The following CHD1L variants were observed in gnomAD, a reference collection of about 807,000 sequenced individuals.
The protein encoded by CHD1L is chromodomain helicase DNA binding protein 1 like, also known as ATP-dependent chromatin remodeler CHD1L.
A neutral mutation model predicts 115.9 loss-of-function variants in CHD1L; 118 were observed. That is an observed-to-expected ratio of 1.02 (90% CI 0.88 to 1.19). The LOEUF is 1.19. CHD1L is among the 50% of genes most tolerant of loss of function. The pLI is 0.00. For missense variants in CHD1L, 1,179 were observed against 1,065.3 expected (o/e 1.11, Z -1.49); for synonymous variants, 411 against 387.1 (o/e 1.06, Z -0.72).
chr1:147,292,135 G>A (rs1195425071), intron 20 of CHD1L, among the ~76,000 whole-genome samples: 1 of 152,104 alleles, frequency 6.6e-6, no homozygotes, highest in Non-Finnish European at 1.5e-5. Context: ...ATTTCTATTT[G>A]TCTTTTTATC....
intron 20 of CHD1L, 143 bp from the exon 21 acceptor site, chr1:147,293,465 A>G (rs1553972600): frequency 4.5e-6 from 3 of 671,286 alleles, no homozygotes; most frequent in East Asian, 2.5e-5. Flanking sequence ...ATAGTAGGAC[A>G]TTGCTGTTCA....
chr1:147,213,307 C>T, the CHD1L span: 78 of 1,602,366 alleles, frequency 4.9e-5, no homozygotes, highest in South Asian at 7.7e-4. Context: ...AAGCTGCTCA[C>T]CAGGGAAGCT....
chr1:147,229,276 T>C, the CHD1L span, among the ~76,000 whole-genome samples: 8 of 152,132 alleles, frequency 5.3e-5, no homozygotes, highest in Non-Finnish European at 1.0e-4. Context: ...ATCCTTTCCC[T>C]ATTTCTTGTT....
At chr1:147,209,231 A>G in the CHD1L span, among the ~76,000 whole-genome samples, 1 of 152,070 alleles carries the variant, frequency 6.6e-6, no homozygotes, top group African/African-American at 2.4e-5. Context: ...CATCCTGGCT[A>G]ACACAGTGAA....
chr1:147,202,969 C>T, the CHD1L span, among the ~76,000 whole-genome samples: 1 of 152,064 alleles, frequency 6.6e-6, no homozygotes, highest in African/African-American at 2.4e-5. Context: ...GTCTTTAGGA[C>T]CTCCTGTCTC....
chr1:147,293,885 G>A (rs1455479659), intron 21 of CHD1L, among the ~76,000 whole-genome samples, 163 bp downstream of exon 21: 1 of 151,998 alleles, frequency 6.6e-6, no homozygotes, highest in Non-Finnish European at 1.5e-5. Context: ...ATAGCCCCTT[G>A]TCCTTTCCAA....
the CHD1L span, chr1:147,203,518 TAA>T: frequency 1.0e-5 from 9 of 884,974 alleles, no homozygotes; most frequent in Non-Finnish European, 1.8e-5. Flanking sequence ...AGGTACTGCA[TAA>T]AGTTTAGAGA....
chr1:147,256,629 G>A (rs377568982), intron 5 of CHD1L, 67 bp downstream of exon 5: 83 of 1,487,008 alleles, frequency 5.6e-5, no homozygotes, highest in Non-Finnish European at 7.2e-5. Flanking sequence ...TTTCCTTCAC[G>A]TTTTAGTACT....
the CHD1L span, among the ~76,000 whole-genome samples, chr1:147,232,963 G>A: frequency 6.0e-5 from 9 of 150,996 alleles, no homozygotes; most frequent in South Asian, 4.2e-4. Flanking sequence ...GCCACCCATC[G>A]TCTGGGACAT....
the CHD1L span, among the ~76,000 whole-genome samples, chr1:147,228,435 G>T: frequency 1.3e-5 from 2 of 152,204 alleles, no homozygotes; most frequent in Non-Finnish European, 2.9e-5. Flanking sequence ...TTGGTTTCAA[G>T]TCTTTGCTAC....
intron 15 of CHD1L, among the ~76,000 whole-genome samples, chr1:147,282,171 T>A (rs1681156267): frequency 6.6e-6 from 1 of 152,214 alleles, no homozygotes. Flanking sequence ...CCCTGGGGAC[T>A]TATTCCTGGT....
the CHD1L span, among the ~76,000 whole-genome samples, chr1:147,191,163 T>C: frequency 6.6e-6 from 1 of 152,180 alleles, no homozygotes; most frequent in East Asian, 1.9e-4. Context: ...TGTGTCTTTA[T>C]AGCAGCATGA....
chr1:147,186,851 T>C, the CHD1L span: 3 of 1,563,594 alleles, frequency 1.9e-6, no homozygotes, highest in African/African-American at 4.1e-5. Context: ...TCTGAAGGCA[T>C]CTGTAGATAA....
At chr1:147,289,400 A>G (rs1025546760) in intron 19 of CHD1L, among the ~76,000 whole-genome samples, 4 of 152,218 alleles carry the variant, frequency 2.6e-5, no homozygotes, top group Non-Finnish European at 4.4e-5. Flanking sequence ...TATGTCAAGA[A>G]GGCAAAGAAG....
chr1:147,179,645 A>G, the CHD1L span: 6 of 1,367,542 alleles, frequency 4.4e-6, no homozygotes, highest in African/African-American at 1.4e-5. Flanking sequence ...GGCAAACACC[A>G]CTTTGTAAAA....
At chr1:147,282,134 C>T (rs1371324985) in intron 15 of CHD1L, among the ~76,000 whole-genome samples, 2 of 152,206 alleles carry the variant, frequency 1.3e-5, no homozygotes, top group African/African-American at 4.8e-5. Flanking sequence ...TGAAGTGCCA[C>T]AAAGCTGAGG....
chr1:147,258,345 C>T (rs1670783866), intron 5 of CHD1L, among the ~76,000 whole-genome samples: 1 of 152,196 alleles, frequency 6.6e-6, no homozygotes, highest in South Asian at 2.1e-4. Context: ...ATCCACCACT[C>T]TGTAGCCTGT....
intron 18 of CHD1L, among the ~76,000 whole-genome samples, chr1:147,286,827 C>G (rs1559885105): frequency 6.6e-6 from 1 of 152,166 alleles, no homozygotes; most frequent in African/African-American, 2.4e-5. Flanking sequence ...AAAAGCAAAA[C>G]TTCAAGCTTG....
intron 15 of CHD1L, among the ~76,000 whole-genome samples, chr1:147,283,191 C>T (rs1553963081): frequency 6.6e-6 from 1 of 151,928 alleles, no homozygotes; most frequent in South Asian, 2.1e-4. Flanking sequence ...TTTTTTTCTA[C>T]TTGTTGATAG....
Sources: gnomAD v4.1 joint callset for allele counts (sites outside exome capture counted in the v4.1 genomes callset) on GRCh38, gnomAD v4.1.1 for gene constraint, MANE v1.5 for transcripts, NCBI Gene and HGNC (gene_info 2026-07-23, HGNC 2026-07-21) for gene names.